Variants in SLC35F4 observed in about 807,000 individuals in gnomAD.
The protein encoded by SLC35F4 is chromosome 14 open reading frame 36.
A neutral mutation model predicts 44.2 loss-of-function variants in SLC35F4; 24 were observed. The ratio of observed to expected loss-of-function variants is 0.54; its 90% confidence interval spans 0.39 to 0.76. The LOEUF (loss-of-function observed/expected upper bound fraction) is 0.76, where lower values mean the gene tolerates loss of function less well. Among genes scored for constraint, SLC35F4 ranks in the 30% least tolerant of loss-of-function variants. The probability of loss-of-function intolerance (pLI) is 0.00; values close to 1 mark genes in which losing one functional copy is unlikely to be tolerated. For synonymous variants in SLC35F4, 238 were observed against 223.6 expected (o/e 1.06, Z -0.57); for missense variants, 562 against 586.1 (o/e 0.96, Z 0.42).
In SLC35F4 at chr14:57,591,008, C is replaced by A. The variant is rs2070140855; in HGVS notation, c.290-1495G>T. ...TGAATTCTCCACTGGGGAATATAAA[C>A]CAAGTAACTATGAACACAGCAACCA... On this transcript the variant is annotated intron_variant, in intron 2 of 7. Transcript: ENST00000556826. Among the ~76,000 whole-genome samples the A allele has an allele frequency of 2.6e-5, 4 of 152,294 alleles. No homozygotes were observed. In the South Asian group the frequency reaches 8.3e-4, roughly 32 times the overall value.
chr14:57,867,001 A>AT (rs1477686237), upstream of SLC35F4, among the ~76,000 whole-genome samples: 2 of 144,374 alleles, frequency 1.4e-5, no homozygotes, highest in East Asian at 2.1e-4. Context: ...AATAATAATA[A>AT]TTTTCAAAGT....
intron 1 of SLC35F4, among the ~76,000 whole-genome samples, chr14:57,883,534 T>C (rs1888585396): frequency 6.6e-6 from 1 of 152,328 alleles, no homozygotes; most frequent in South Asian, 2.1e-4. Context: ...TTAGTAAGGA[T>C]GGATTGGCAT....
At chr14:57,590,226 CAAAAAAAA>C (rs55850524) in intron 2 of SLC35F4, among the ~76,000 whole-genome samples, 1 of 119,180 alleles carries the variant, frequency 8.4e-6, no homozygotes, top group Non-Finnish European at 1.7e-5. Flanking sequence ...CTTGTCTATG[CAAAAAAAA>C]AAAAAAAAAT....
At chr14:57,832,641 A>T (rs940674470) in intron 1 of SLC35F4, among the ~76,000 whole-genome samples, 1 of 152,234 alleles carries the variant, frequency 6.6e-6, no homozygotes, top group African/African-American at 2.4e-5. Context: ...ATTAGAAACA[A>T]TAAACAGAGA....
intron 1 of SLC35F4, among the ~76,000 whole-genome samples, chr14:57,616,492 C>G (rs907613658): frequency 7.9e-5 from 12 of 152,122 alleles, no homozygotes; most frequent in Non-Finnish European, 1.3e-4. Flanking sequence ...GATTCTTGCC[C>G]CCTCAGTGAA....
chr14:57,564,320 TG>T lies in SLC35F4; in HGVS notation c.1272del (p.Ile425SerfsTer9). Reference protein sequence around the residue: ...VIFNVVRLAATIIICIGFLLM... With the variant: ...VIFNVVRLAAXIIICIGFLLM... Reference sequence around the variant, plus strand: ...AGCAGAAACCCAATGCAGATGATGATGGTAGCAGCCAGGCGGACAACATTGA... The same window carrying T: ...AGCAGAAACCCAATGCAGATGATGATGTAGCAGCCAGGCGGACAACATTGA... On this transcript the variant is annotated frameshift_variant, in exon 8 of 8. Transcript: ENST00000556826. LOFTEE classifies it high-confidence loss of function. 1 of 1,612,112 alleles carries T rather than the reference TG, an allele frequency of 6.2e-7. No individual in the cohort carries two copies. Among genetic ancestry groups the T allele is most frequent in the South Asian group, 1.1e-5 (1 of 90,500 alleles).
At chr14:57,760,407 T>C (rs991334823) in intron 1 of SLC35F4, among the ~76,000 whole-genome samples, 2 of 152,236 alleles carry the variant, frequency 1.3e-5, no homozygotes, top group Non-Finnish European at 1.5e-5. Context: ...TTTATGCCAA[T>C]ACCATACTGT....
intron 1 of SLC35F4, among the ~76,000 whole-genome samples, chr14:57,613,338 A>G (rs1249220104): frequency 2.0e-5 from 3 of 152,084 alleles, no homozygotes; most frequent in African/African-American, 7.2e-5. Context: ...AAATATCTGA[A>G]ATTTGTTATT....
chr14:57,818,689 T>G (rs1157308495), intron 1 of SLC35F4, among the ~76,000 whole-genome samples: 3 of 152,226 alleles, frequency 2.0e-5, no homozygotes, highest in African/African-American at 7.2e-5. Context: ...GATGAAGATC[T>G]GGGTCACTGA....
intron 1 of SLC35F4, among the ~76,000 whole-genome samples, chr14:57,833,711 C>T (rs990361755): frequency 4.6e-5 from 7 of 152,176 alleles, no homozygotes; most frequent in Admixed American, 1.3e-4. Flanking sequence ...GCTAATCTCC[C>T]GTTGGCTTTC....
At chr14:57,627,060 CAA>C (rs1210628705) in intron 1 of SLC35F4, among the ~76,000 whole-genome samples, 1 of 152,102 alleles carries the variant, frequency 6.6e-6, no homozygotes, top group Non-Finnish European at 1.5e-5. Flanking sequence ...ATGAAATTCA[CAA>C]GTCTATCCAA....
At chr14:57,749,844 TC>T (rs2076841598) in intron 1 of SLC35F4, among the ~76,000 whole-genome samples, 1 of 152,210 alleles carries the variant, frequency 6.6e-6, no homozygotes, top group South Asian at 2.1e-4. Flanking sequence ...TAATATTCAT[TC>T]CCAAGTATCT....
At chr14:57,741,885 C>T (rs946884552) in intron 1 of SLC35F4, among the ~76,000 whole-genome samples, 1 of 152,192 alleles carries the variant, frequency 6.6e-6, no homozygotes, top group African/African-American at 2.4e-5. Context: ...TTGGTACAAA[C>T]TCTACAAGCC....
At chr14:57,660,253 T>C (rs1326907430) in intron 1 of SLC35F4, among the ~76,000 whole-genome samples, 2 of 152,140 alleles carry the variant, frequency 1.3e-5, no homozygotes, top group Admixed American at 6.5e-5. Flanking sequence ...TTTATGCACA[T>C]AGAACTGACC....
At chr14:57,721,101 C>G (rs1380330419) in intron 1 of SLC35F4, among the ~76,000 whole-genome samples, 1 of 145,898 alleles carries the variant, frequency 6.9e-6, no homozygotes, top group Non-Finnish European at 1.5e-5. Context: ...GATTTTGGTA[C>G]CAGGAGTGGC....
intron 1 of SLC35F4, among the ~76,000 whole-genome samples, chr14:57,603,308 C>A (rs1202578062): frequency 6.6e-6 from 1 of 152,146 alleles, no homozygotes; most frequent in Non-Finnish European, 1.5e-5. Flanking sequence ...TAAAAAAAAT[C>A]TCAGCCCAGT....
intron 1 of SLC35F4, among the ~76,000 whole-genome samples, chr14:57,913,789 T>C (rs776667777): frequency 1.5e-4 from 23 of 152,382 alleles, no homozygotes; most frequent in Non-Finnish European, 1.6e-4. Flanking sequence ...TTGCTTTATG[T>C]ACATCTGAGT....
intron 1 of SLC35F4, among the ~76,000 whole-genome samples, chr14:57,812,171 A>G (rs754589443): frequency 6.6e-5 from 10 of 152,100 alleles, no homozygotes; most frequent in Non-Finnish European, 1.2e-4. Flanking sequence ...AACTTCCTAA[A>G]TATAGCTTGT....
At position 57,624,029 on chromosome 14, in the gene SLC35F4, ATC is replaced by A. The variant is rs547015909; in HGVS notation, c.104-29907_104-29906del. Among the ~76,000 whole-genome samples, 16 of 152,314 alleles carry A rather than the reference ATC, an allele frequency of 1.1e-4. No homozygotes were observed. The East Asian group carries it at 3.1e-3, about 29-fold the overall frequency. ...ATCCAGGAGCTGGTTTTTTGAAATG[ATC>A]AACAAAATTGATGGACACTGTCCAG... On this transcript the variant is annotated intron_variant, in intron 1 of 7. Coordinates refer to ENST00000556826, the MANE Select transcript of SLC35F4 (RefSeq NM_001306087.2).
Sources: gnomAD v4.1 joint callset for allele counts (sites outside exome capture counted in the v4.1 genomes callset) on GRCh38, gnomAD v4.1.1 for gene constraint, MANE v1.5 for transcripts, NCBI Gene and HGNC (gene_info 2026-07-23, HGNC 2026-07-21) for gene names.